PCDHGA8: variants seen among roughly 807,000 people sequenced by gnomAD.
PCDHGA8 encodes the protein protocadherin gamma subfamily A, 8.
In PCDHGA8, 45 loss-of-function variants were observed where a neutral mutation model predicts 59.2. The ratio of observed to expected loss-of-function variants is 0.76; its 90% CI spans 0.60 to 0.98. The LOEUF (loss-of-function observed/expected upper bound fraction) is 0.98, where lower values mean the gene tolerates loss of function less well. PCDHGA8 is among the 50% of genes least tolerant of loss of function. The pLI, the probability that PCDHGA8 is intolerant of heterozygous loss-of-function variation, is 0.00. For synonymous variants in PCDHGA8, 531 were observed against 519.0 expected (o/e 1.02, Z -0.32); for missense variants, 1,257 against 1,196.2 (o/e 1.05, Z -0.75).
intron 1 of PCDHGA8, chr5:141,419,088 T>G (rs2096325159): frequency 1.2e-6 from 2 of 1,613,940 alleles, no homozygotes; most frequent in Non-Finnish European, 1.7e-6. Flanking sequence ...GATGAGGCCC[T>G]GGATCGGGAG....
At chr5:141,421,508 A>G (rs780491148) in intron 1 of PCDHGA8, 1 of 1,614,046 alleles carries the variant, frequency 6.2e-7, no homozygotes, top group Non-Finnish European at 8.5e-7. Flanking sequence ...ATAGACCGGG[A>G]GGAGCTCTGT....
rs181495329 is a variant in PCDHGA8, at chr5:141,489,120, G to A, written c.2425-5687G>A. ...AACTGCTGCAAGCAGGCAAACCTCC[G>A]AGCAGTTTTTAAGAGGCTGGAAGGA... is the stretch of plus-strand genomic sequence containing the variant. On this transcript the variant is annotated intron_variant, in intron 1 of 3. Coordinates refer to ENST00000398604, the MANE Select transcript of PCDHGA8 (RefSeq NM_032088.2). This position sits in a 1 kb window ranked among gnomAD's most constrained non-coding sequence, Gnocchi z 4.5. 1.8e-5 allele frequency: 8 copies of A among 445,672 alleles called. No homozygotes were observed. The East Asian group carries it at 1.9e-4, about 11-fold the overall frequency. The allele number at this position is 445,672 out of a possible 1,614,324, so 27.6% of individuals were successfully genotyped here.
chr5:141,423,494 A>C lies in PCDHGA8; in HGVS notation c.2424+28257A>C, dbSNP rs753859784. ...CAGGCTTTCCTGCAAACCTATTCCCACGAGGTCTCTCTCATTGCGGACTCG... is the reference window on the plus strand; with the variant it reads ...CAGGCTTTCCTGCAAACCTATTCCCCCGAGGTCTCTCTCATTGCGGACTCG... On this transcript the variant is annotated intron_variant, in intron 1 of 3. Transcript: ENST00000398604. The C allele has an allele frequency of 3.8e-5, 61 of 1,613,842 alleles. No individual in the cohort carries two copies. The highest frequency in any genetic ancestry group is 5.9e-6 in the Non-Finnish European group (7 of 1,179,940).
In PCDHGA8 at chr5:141,405,021, C is replaced by T. The variant is rs188043964; in HGVS notation, c.2424+9784C>T. The T allele has an allele frequency of 2.9e-5, 46 of 1,613,980 alleles. No homozygotes were observed. Among genetic ancestry groups the T allele is most frequent in the Non-Finnish European group, 3.7e-5 (44 of 1,179,862 alleles). On this transcript the variant is annotated intron_variant, in intron 1 of 3. Coordinates refer to ENST00000398604, the MANE Select transcript of PCDHGA8 (RefSeq NM_032088.2). ...GCAGACCTGGAGGCCTCAGACCTTA[C>T]CCTCTACCTCGTTGTGGCTGTGGCA...
chr5:141,396,893 A>G (rs1441946913), intron 1 of PCDHGA8, among the ~76,000 whole-genome samples: 2 of 152,226 alleles, frequency 1.3e-5, no homozygotes, highest in Non-Finnish European at 1.5e-5. Flanking sequence ...AGGACAACAT[A>G]TTATTGGCAC....
chr5:141,492,720 A>G (rs1161942205), intron 1 of PCDHGA8, among the ~76,000 whole-genome samples: 1 of 152,256 alleles, frequency 6.6e-6, no homozygotes, highest in East Asian at 1.9e-4. Context: ...GCAGGCGGAC[A>G]GGCAGAGCTG....
chr5:141,423,969 C>G, intron 1 of PCDHGA8: 1 of 1,147,718 alleles, frequency 8.7e-7, no homozygotes, highest in Non-Finnish European at 1.1e-6. Flanking sequence ...TTTCTATTAT[C>G]AGTGTATGAG....
At chr5:141,442,294 C>A (rs1194203452) in intron 1 of PCDHGA8, 1 of 152,584 alleles carries the variant, frequency 6.6e-6, no homozygotes, top group Admixed American at 6.5e-5. Context: ...ATGATCCTGT[C>A]TGAGTCTTTC....
At chr5:141,457,953 C>G (rs12188170) in intron 1 of PCDHGA8, among the ~76,000 whole-genome samples, 6,291 of 152,286 alleles carry the variant, frequency 0.041, 196 homozygotes, top group Admixed American at 0.075. Context: ...GCATGTCAAG[C>G]TTGATTCCTT....
chr5:141,413,636 T>G, intron 1 of PCDHGA8: 2 of 1,613,876 alleles, frequency 1.2e-6, no homozygotes, highest in South Asian at 2.2e-5. Context: ...GCTGCGGGAA[T>G]GCGTTTTCCT....
Position 141,477,809 on chromosome 5 carries a change from C to A in PCDHGA8, c.2425-16998C>A. 1 of 1,614,146 alleles carries A rather than the reference C, an allele frequency of 6.2e-7. No individual in the cohort carries two copies. Among genetic ancestry groups the A allele is most frequent in the Non-Finnish European group, 8.5e-7 (1 of 1,180,040 alleles). On this transcript the variant is annotated intron_variant, in intron 1 of 3. Coordinates refer to ENST00000398604, the MANE Select transcript of PCDHGA8 (RefSeq NM_032088.2). The surrounding 1 kb of genome is among the most constrained non-coding windows in gnomAD (Gnocchi z 4.9). ...TGTCACTGATCGCAATGACAATGCC[C>A]CCCAGGTCCTATATCCTCGGCCAGG...
At chr5:141,404,615 C>T in intron 1 of PCDHGA8, 5 of 1,614,122 alleles carry the variant, frequency 3.1e-6, no homozygotes, top group Non-Finnish European at 4.2e-6. Flanking sequence ...TGTTTTGGAC[C>T]AGAATGACAA....
At chr5:141,507,611 A>G (rs2099862056) in intron 3 of PCDHGA8, among the ~76,000 whole-genome samples, 1 of 152,258 alleles carries the variant, frequency 6.6e-6, no homozygotes, top group South Asian at 2.1e-4. Flanking sequence ...AAACAGGTAT[A>G]TTTAGCTGTT....
At chr5:141,417,179 A>C (rs1015183950) in intron 1 of PCDHGA8, 1 of 152,194 alleles carries the variant, frequency 6.6e-6, no homozygotes, top group African/African-American at 2.4e-5. Context: ...GAAATAAGGA[A>C]TTATTACTTT....
chr5:141,433,192 A>G (rs756991371), intron 1 of PCDHGA8: 1 of 1,585,516 alleles, frequency 6.3e-7, no homozygotes, highest in Non-Finnish European at 8.6e-7. Flanking sequence ...AGGTGAGTTT[A>G]TATCAAATCT....
chr5:141,413,446 G>A, intron 1 of PCDHGA8: 1 of 1,614,130 alleles, frequency 6.2e-7, no homozygotes. Context: ...CTTGATCACC[G>A]CGGGCAGGAT....
intron 1 of PCDHGA8, among the ~76,000 whole-genome samples, chr5:141,460,251 A>G (rs2098984972): frequency 6.6e-6 from 1 of 152,114 alleles, no homozygotes; most frequent in Admixed American, 6.6e-5. Context: ...TAATTTTGAT[A>G]AAGCCCAATT....
At chr5:141,419,807 G>A in intron 1 of PCDHGA8, 2 of 1,614,074 alleles carry the variant, frequency 1.2e-6, no homozygotes, top group South Asian at 1.1e-5. Flanking sequence ...AAGAGATGGA[G>A]GACAGCCACC....
chr5:141,408,743 A>G (rs764671808), intron 1 of PCDHGA8: 13 of 1,610,030 alleles, frequency 8.1e-6, no homozygotes, highest in African/African-American at 2.7e-5. Flanking sequence ...TTTTTCATTA[A>G]TGGTTAGAGT....
Sources: gnomAD v4.1 joint callset for allele counts (sites outside exome capture counted in the v4.1 genomes callset) on GRCh38, gnomAD v4.1.1 for gene constraint, Gnocchi (gnomAD v3.1) non-coding constraint, MANE v1.5 for transcripts, NCBI Gene and HGNC (gene_info 2026-07-23, HGNC 2026-07-21) for gene names.